The following FNIP1 variants were observed in gnomAD, a reference collection of about 807,000 sequenced individuals.
The protein encoded by FNIP1 is folliculin interacting protein 1, also known as folliculin-interacting protein 1.
FNIP1 carries 40 observed loss-of-function variants against 124.5 expected under a neutral mutation model. The observed-to-expected ratio is 0.32, with a 90% CI of 0.25 to 0.42. The LOEUF (loss-of-function observed/expected upper bound fraction) is 0.42, where lower values mean the gene tolerates loss of function less well. Ranked by LOEUF, FNIP1 falls within the 10% of genes least tolerant of loss-of-function variation. The pLI, the probability that FNIP1 is intolerant of heterozygous loss-of-function variation, is 1.00. For synonymous variants in FNIP1, 472 were observed against 470.6 expected, an observed-to-expected ratio of 1.00 and a Z score of -0.04; for missense variants, 1,176 against 1,403.7, an observed-to-expected ratio of 0.84 and a Z score of 2.59.
intron 13 of FNIP1, among the ~76,000 whole-genome samples, chr5:131,676,432 A>G (rs911624498): frequency 2.8e-4 from 43 of 151,974 alleles, no homozygotes; most frequent in African/African-American, 1.0e-3. Flanking sequence ...TACAGGCATG[A>G]GCCACTGCAC....
chr5:131,748,018 T>A (rs968784738), intron 1 of FNIP1, among the ~76,000 whole-genome samples: 1 of 151,870 alleles, frequency 6.6e-6, no homozygotes, highest in Non-Finnish European at 1.5e-5. Flanking sequence ...TTTGTAGATA[T>A]GAAGGTAAGG....
At chr5:131,678,577 T>A (rs561799737) in intron 12 of FNIP1, among the ~76,000 whole-genome samples, 1 of 150,350 alleles carries the variant, frequency 6.7e-6, no homozygotes, top group East Asian at 2.0e-4. Flanking sequence ...CCGGCTAATT[T>A]TGTTTTTGTA....
At chr5:131,782,578 AAAAG>A (rs1772030751) in intron 1 of FNIP1, among the ~76,000 whole-genome samples, 2 of 152,102 alleles carry the variant, frequency 1.3e-5, no homozygotes, top group South Asian at 2.1e-4. Context: ...GAAGAAATAA[AAAAG>A]AAAGAAAAAG....
At chr5:131,683,085 A>G (rs1402882066) in intron 11 of FNIP1, among the ~76,000 whole-genome samples, 2 of 152,292 alleles carry the variant, frequency 1.3e-5, no homozygotes, top group East Asian at 3.9e-4. Flanking sequence ...AAAATTTACT[A>G]ATCACTTGAT....
At chr5:131,679,535 G>A (rs1325060100) in intron 11 of FNIP1, among the ~76,000 whole-genome samples, 8 of 152,042 alleles carry the variant, frequency 5.3e-5, no homozygotes, top group Non-Finnish European at 8.8e-5. Flanking sequence ...TAAATATACC[G>A]CAAATAATCA....
At chr5:131,684,218 G>T (rs552928903) in intron 11 of FNIP1, among the ~76,000 whole-genome samples, 1 of 152,200 alleles carries the variant, frequency 6.6e-6, no homozygotes, top group Non-Finnish European at 1.5e-5. Context: ...AGAAGGCAAA[G>T]CATTAGACCT....
At chr5:131,714,443 C>T (rs1769399814) in intron 6 of FNIP1, among the ~76,000 whole-genome samples, 1 of 152,124 alleles carries the variant, frequency 6.6e-6, no homozygotes, top group African/African-American at 2.4e-5. Context: ...GGTAAAGGAC[C>T]CGAACCAACA....
intron 1 of FNIP1, among the ~76,000 whole-genome samples, chr5:131,789,225 A>T (rs1772319613): frequency 6.6e-6 from 1 of 152,206 alleles, no homozygotes; most frequent in African/African-American, 2.4e-5. Flanking sequence ...ATCTCATAGA[A>T]GTAGAGTAGA....
At chr5:131,730,332 A>G (rs902828982) in intron 3 of FNIP1, among the ~76,000 whole-genome samples, 7 of 152,234 alleles carry the variant, frequency 4.6e-5, no homozygotes, top group African/African-American at 1.7e-4. Context: ...CTATTTTGAT[A>G]CTGAGTAAAT....
intron 3 of FNIP1, among the ~76,000 whole-genome samples, chr5:131,719,905 G>A (rs1769600599): frequency 1.3e-5 from 2 of 152,162 alleles, no homozygotes; most frequent in African/African-American, 4.8e-5. Flanking sequence ...TTTCTGTAAA[G>A]ACATATCTGT....
intron 15 of FNIP1, among the ~76,000 whole-genome samples, chr5:131,664,482 A>T (rs2149511313): frequency 6.6e-6 from 1 of 152,108 alleles, no homozygotes. Context: ...CAAAAAATAA[A>T]CACATTAGCC....
intron 15 of FNIP1, among the ~76,000 whole-genome samples, chr5:131,663,335 CTCAG>C (rs764079199): frequency 1.4e-4 from 21 of 152,188 alleles, no homozygotes; most frequent in Non-Finnish European, 2.5e-4. Flanking sequence ...TCAAAAGCTT[CTCAG>C]TCAATGGAAT....
At chr5:131,720,762 T>C (rs1351242622) in intron 3 of FNIP1, among the ~76,000 whole-genome samples, 1 of 152,144 alleles carries the variant, frequency 6.6e-6, no homozygotes, top group Non-Finnish European at 1.5e-5. Context: ...GCTCAACATT[T>C]CTAATCAGAG....
chr5:131,671,724 T>A lies in FNIP1; in HGVS notation c.2720A>T (p.Asp907Val). ...ATGGGGGACAAGAATGGAGAGTGTA[T>A]CTCTTTGGTCCTGCTGAGGAAAGCA... ...KTCFPQQDQR[D>V]TLSILVPHGD... The change falls in exon 14 of 18, where the codon GAT becomes GTT. Residue 907 changes from aspartate (D) to valine (V), a missense_variant. Asp to Val is a radical substitution (Grantham distance 152, BLOSUM62 -3). Around this residue, in one of 2 missense-constraint regions of FNIP1, gnomAD observed 1,109 missense variants for 1,288.5 expected, o/e 0.86. Coordinates refer to ENST00000510461, the MANE Select transcript of FNIP1 (RefSeq NM_133372.3). 6.2e-7 allele frequency: 1 copy of A among 1,614,162 alleles called. No homozygotes were observed. The highest frequency in any genetic ancestry group is 8.5e-7 in the Non-Finnish European group (1 of 1,180,020).
At chr5:131,698,456 T>C (rs1193779903) in intron 11 of FNIP1, among the ~76,000 whole-genome samples, 2 of 152,226 alleles carry the variant, frequency 1.3e-5, no homozygotes, top group Admixed American at 1.3e-4. Flanking sequence ...CAGAAAACCC[T>C]AGCGGAAGGA....
chr5:131,693,297 C>CATATATATATATATACATATATATAT (rs1768547456), intron 11 of FNIP1, among the ~76,000 whole-genome samples: 1 of 27,034 alleles, frequency 3.7e-5, no homozygotes, highest in Non-Finnish European at 8.3e-5. Flanking sequence ...TAAATATATA[C>CATATATATATATATACATATATATAT]ATATATATAT....
chr5:131,668,057 A>G (rs969732910), intron 15 of FNIP1, among the ~76,000 whole-genome samples: 2 of 152,218 alleles, frequency 1.3e-5, no homozygotes, highest in Non-Finnish European at 2.9e-5. Context: ...AACAAACTGA[A>G]AATCAGCACG....
chr5:131,687,779 T>C (rs2149523128), intron 11 of FNIP1, among the ~76,000 whole-genome samples: 1 of 152,250 alleles, frequency 6.6e-6, no homozygotes, highest in East Asian at 1.9e-4. Flanking sequence ...TGAATTCCTC[T>C]CAGTGACAAA....
chr5:131,791,370 T>C (rs1325345614), intron 1 of FNIP1, among the ~76,000 whole-genome samples: 1 of 152,178 alleles, frequency 6.6e-6, no homozygotes, highest in Non-Finnish European at 1.5e-5. Context: ...TGATACCACC[T>C]GAAATCACTA....
Sources: allele counts gnomAD v4.1 joint callset (sites outside exome capture counted in the v4.1 genomes callset), GRCh38; gene constraint gnomAD v4.1.1; regional missense constraint gnomAD v4.1.1; transcripts MANE v1.5; gene names NCBI Gene and HGNC (gene_info 2026-07-23, HGNC 2026-07-21).